Variants in PALM2AKAP2 observed in about 807,000 individuals in gnomAD.
The protein encoded by PALM2AKAP2 is PALM2-AKAP2 fusion protein.
In PALM2AKAP2, 37 loss-of-function variants were observed where a neutral mutation model predicts 71.5. The observed-to-expected ratio is 0.52, with a 90% CI of 0.40 to 0.68. The LOEUF (loss-of-function observed/expected upper bound fraction) is 0.68, where lower values mean the gene tolerates loss of function less well. Ranked by LOEUF, PALM2AKAP2 falls within the 30% of genes least tolerant of loss-of-function variation. PALM2AKAP2 has a pLI of 0.00. For synonymous variants in PALM2AKAP2, 468 were observed against 478.8 expected (o/e 0.98, Z 0.29); for missense variants, 1,224 against 1,191.8 (o/e 1.03, Z -0.40).
At chr9:109,736,238 C>T (rs936212257) in intron 1 of PALM2AKAP2, among the ~76,000 whole-genome samples, 2 of 152,144 alleles carry the variant, frequency 1.3e-5, no homozygotes, top group African/African-American at 2.4e-5. Context: ...ACTATAAATA[C>T]ATATAATTTG....
chr9:110,147,745 G>A (rs766921927), intron 2 of PALM2AKAP2, among the ~76,000 whole-genome samples: 6 of 152,166 alleles, frequency 3.9e-5, no homozygotes, highest in Non-Finnish European at 8.8e-5. Flanking sequence ...ACTCCAGTCT[G>A]AGTGACAAAG....
upstream of PALM2AKAP2, among the ~76,000 whole-genome samples, chr9:109,778,837 C>T (rs1177679507): frequency 2.7e-5 from 4 of 148,912 alleles, no homozygotes; most frequent in South Asian, 4.2e-4. Flanking sequence ...GATGTGATCT[C>T]GGCTCACTGC....
At chr9:109,893,180 C>G (rs969778591) in intron 3 of PALM2AKAP2, among the ~76,000 whole-genome samples, 2 of 152,144 alleles carry the variant, frequency 1.3e-5, no homozygotes, top group Non-Finnish European at 2.9e-5. Context: ...GGCCAAGAAG[C>G]GTCCCATCTC....
intron 1 of PALM2AKAP2, among the ~76,000 whole-genome samples, chr9:110,085,724 G>T (rs1388126134): frequency 1.3e-5 from 2 of 152,116 alleles, no homozygotes; most frequent in East Asian, 1.9e-4. Context: ...AAGTTGAGGG[G>T]GATGCCAATG....
chr9:109,806,232 T>C (rs1827568948), intron 1 of PALM2AKAP2, among the ~76,000 whole-genome samples: 1 of 152,260 alleles, frequency 6.6e-6, no homozygotes, highest in Non-Finnish European at 1.5e-5. Context: ...CTTTTTGATT[T>C]ATTTACAAAA....
chr9:109,758,656 T>C (rs1042388606), intron 1 of PALM2AKAP2, among the ~76,000 whole-genome samples: 1 of 151,688 alleles, frequency 6.6e-6, no homozygotes, highest in Non-Finnish European at 1.5e-5. Context: ...TGCAAAGAAG[T>C]GGTAGTTTAT....
chr9:109,966,117 G>T (rs142733919), intron 6 of PALM2AKAP2, among the ~76,000 whole-genome samples: 31 of 152,300 alleles, frequency 2.0e-4, no homozygotes, highest in African/African-American at 7.5e-4. Context: ...GTGCCAGGCA[G>T]AGCAGAGGCA....
intron 7 of PALM2AKAP2, among the ~76,000 whole-genome samples, chr9:110,019,273 C>A (rs1833033263): frequency 6.7e-6 from 1 of 149,366 alleles, no homozygotes; most frequent in African/African-American, 2.5e-5. Context: ...GAGATACCAT[C>A]TCACACCAGT....
At chr9:109,926,393 C>T (rs752484031) in intron 5 of PALM2AKAP2, among the ~76,000 whole-genome samples, 2 of 152,086 alleles carry the variant, frequency 1.3e-5, no homozygotes, top group Non-Finnish European at 2.9e-5. Flanking sequence ...AAGTCATGTC[C>T]AAGCTAGCAA....
chr9:110,009,275 A>G (rs957041576), intron 6 of PALM2AKAP2, among the ~76,000 whole-genome samples: 3 of 151,916 alleles, frequency 2.0e-5, no homozygotes, highest in Admixed American at 2.0e-4. Context: ...TTTTACTTTT[A>G]TTTTATTTTT....
At chr9:110,027,679 G>A (rs1055344917) in intron 7 of PALM2AKAP2, among the ~76,000 whole-genome samples, 18 of 152,188 alleles carry the variant, frequency 1.2e-4, no homozygotes, top group African/African-American at 4.1e-4. Flanking sequence ...TTCTCTACAC[G>A]TAAAACTTGT....
At chr9:109,975,655 G>A (rs1206936672) in intron 6 of PALM2AKAP2, among the ~76,000 whole-genome samples, 1 of 152,216 alleles carries the variant, frequency 6.6e-6, no homozygotes, top group Admixed American at 6.5e-5. Context: ...GGCTTTGAGT[G>A]TCGACTTGCT....
chr9:109,963,480 C>G (rs895286219), intron 6 of PALM2AKAP2, among the ~76,000 whole-genome samples: 4 of 152,192 alleles, frequency 2.6e-5, no homozygotes, highest in African/African-American at 9.7e-5. Context: ...CAGACTCAGC[C>G]ACATTTCCAG....
intron 4 of PALM2AKAP2, among the ~76,000 whole-genome samples, chr9:109,924,402 TC>T (rs1450677197): frequency 1.3e-5 from 2 of 151,908 alleles, no homozygotes; most frequent in African/African-American, 2.4e-5. Flanking sequence ...ATCGAGACCA[TC>T]CTGGCTAACG....
At chr9:109,700,160 T>G (rs970535822) in intron 1 of PALM2AKAP2, among the ~76,000 whole-genome samples, 1 of 152,166 alleles carries the variant, frequency 6.6e-6, no homozygotes. Flanking sequence ...TGATGTGGTT[T>G]GGCTGTGTCC....
At chr9:109,767,120 T>G (rs1245890786) in intron 1 of PALM2AKAP2, among the ~76,000 whole-genome samples, 1 of 152,194 alleles carries the variant, frequency 6.6e-6, no homozygotes, top group African/African-American at 2.4e-5. Context: ...ATGCAGTGAT[T>G]TTCTCAAGTT....
chr9:109,981,462 T>TAG (rs1832268912), intron 6 of PALM2AKAP2, among the ~76,000 whole-genome samples: 1 of 152,180 alleles, frequency 6.6e-6, no homozygotes, highest in Non-Finnish European at 1.5e-5. Flanking sequence ...AGCAGAGGCC[T>TAG]AGGTCTAGCT....
At chr9:110,146,851 C>T (rs1052235727) in intron 2 of PALM2AKAP2, among the ~76,000 whole-genome samples, 8 of 152,068 alleles carry the variant, frequency 5.3e-5, no homozygotes, top group Admixed American at 1.3e-4. Context: ...GTTCTTGTAA[C>T]GAGATTTTCT....
chr9:109,662,305 G>T (rs547885813), intron 1 of PALM2AKAP2, among the ~76,000 whole-genome samples: 98 of 152,250 alleles, frequency 6.4e-4, no homozygotes, highest in African/African-American at 2.3e-3. Context: ...CTGTGGATTT[G>T]TCACAAATAG....
Sources: allele counts gnomAD v4.1 joint callset (sites outside exome capture counted in the v4.1 genomes callset), GRCh38; gene constraint gnomAD v4.1.1; transcripts MANE v1.5; gene names NCBI Gene and HGNC (gene_info 2026-07-23, HGNC 2026-07-21).